Variants in CHSY3 observed in about 807,000 individuals in gnomAD.
CHSY3 encodes N-acetylgalactosaminyl-proteoglycan 3-beta-glucuronosyltransferase 3.
In CHSY3, 35 loss-of-function variants were observed where a neutral mutation model predicts 67.2. That is an observed-to-expected ratio of 0.52 (90% CI 0.40 to 0.69). The LOEUF (loss-of-function observed/expected upper bound fraction) is 0.69, where lower values mean the gene tolerates loss of function less well. Ranked by LOEUF, CHSY3 falls within the 30% of genes least tolerant of loss-of-function variation. The pLI is 0.00. For missense variants in CHSY3, 1,069 were observed against 1,138.5 expected, an observed-to-expected ratio of 0.94 and a Z score of 0.88; for synonymous variants, 474 against 434.7, an observed-to-expected ratio of 1.09 and a Z score of -1.12.
chr5:130,146,499 A>G (rs1193414257), intron 2 of CHSY3, among the ~76,000 whole-genome samples: 1 of 152,174 alleles, frequency 6.6e-6, no homozygotes, highest in African/African-American at 2.4e-5. Context: ...GGCAGAAATT[A>G]CAATTAGATA....
intron 2 of CHSY3, among the ~76,000 whole-genome samples, chr5:130,024,137 C>A (rs371741229): frequency 0.013 from 1,406 of 109,468 alleles, no homozygotes; most frequent in Admixed American, 0.017. Flanking sequence ...GATTGATGGT[C>A]AAAAAAAAAA....
intron 2 of CHSY3, among the ~76,000 whole-genome samples, chr5:129,960,192 T>C (rs539237315): frequency 6.6e-6 from 1 of 152,198 alleles, no homozygotes; most frequent in Non-Finnish European, 1.5e-5. Flanking sequence ...TCTCTCCCTG[T>C]TTGACGTTGT....
At chr5:129,908,419 T>C in intron 2 of CHSY3, 59 bp downstream of exon 2, 1 of 1,573,520 alleles carries the variant, frequency 6.4e-7, no homozygotes, top group East Asian at 2.3e-5. Flanking sequence ...CATTTTATAA[T>C]CTAGGGCAGC....
rs543288737 is a variant in CHSY3 at position 129,976,409 on chromosome 5, A to G, written c.1086+68049A>G. On this transcript the variant is annotated intron_variant, in intron 2 of 2. Transcript: ENST00000305031. Reference sequence around the variant, plus strand: ...TTAATAAATAGGGATTTGCCCCCCCATAACCAATCTCACCTTGGTTTCATA... The same window carrying G: ...TTAATAAATAGGGATTTGCCCCCCCGTAACCAATCTCACCTTGGTTTCATA... Among the ~76,000 whole-genome samples the G allele has an allele frequency of 3.9e-5, 6 of 152,288 alleles. No homozygotes were observed. The South Asian group carries it at 1.2e-3, about 32-fold the overall frequency.
At chr5:129,996,003 G>A (rs1041454842) in intron 2 of CHSY3, among the ~76,000 whole-genome samples, 1 of 151,854 alleles carries the variant, frequency 6.6e-6, no homozygotes, top group African/African-American at 2.4e-5. Flanking sequence ...AGAGCATAGG[G>A]CTTAGAACCA....
chr5:130,120,679 GTAA>G (rs1271311453), intron 2 of CHSY3, among the ~76,000 whole-genome samples: 1 of 152,010 alleles, frequency 6.6e-6, no homozygotes, highest in East Asian at 1.9e-4. Context: ...TGAAAAGTGT[GTAA>G]TAATAATGCC....
intron 2 of CHSY3, among the ~76,000 whole-genome samples, chr5:129,946,803 G>A (rs144381400): frequency 6.6e-6 from 1 of 152,168 alleles, no homozygotes; most frequent in East Asian, 1.9e-4. Flanking sequence ...GTATATACTT[G>A]ACACATTTTA....
rs377376901 is a variant in CHSY3, at chr5:129,981,089, C to T, written c.1086+72729C>T. Among the ~76,000 whole-genome samples, 27 of 148,934 alleles carry T rather than the reference C, an allele frequency of 1.8e-4. No homozygotes were observed. In the East Asian group the frequency reaches 3.4e-3, roughly 18 times the overall value. The stretch of plus-strand genomic sequence containing the variant: ...AAAAAAAATTAGCCGGACGTGGTGG[C>T]GGGCGCCTGTAGTCCCAGCTACTCT... On this transcript the variant is annotated intron_variant, in intron 2 of 2. Transcript: ENST00000305031.
At chr5:130,068,328 C>T (rs948708604) in intron 2 of CHSY3, among the ~76,000 whole-genome samples, 2 of 152,082 alleles carry the variant, frequency 1.3e-5, no homozygotes, top group Non-Finnish European at 2.9e-5. Flanking sequence ...ACCAAAGCAT[C>T]CCTCTGCTGC....
At chr5:130,178,110 T>C (rs1770109356) in intron 2 of CHSY3, among the ~76,000 whole-genome samples, 1 of 148,052 alleles carries the variant, frequency 6.8e-6, no homozygotes. Context: ...ATGGATATAA[T>C]AAAACATATA....
intron 2 of CHSY3, among the ~76,000 whole-genome samples, chr5:130,099,114 G>T (rs145359606): frequency 1.3e-5 from 2 of 152,250 alleles, no homozygotes; most frequent in Admixed American, 6.5e-5. Flanking sequence ...CTCCCCCAGT[G>T]ACTCATGCAG....
intron 2 of CHSY3, among the ~76,000 whole-genome samples, chr5:130,113,111 CGT>C (rs3065057): frequency 3.6e-5 from 1 of 27,822 alleles, no homozygotes; most frequent in Non-Finnish European, 5.8e-5. Flanking sequence ...TGATATAATA[CGT>C]GTGTGTGTGT....
chr5:130,060,292 A>G (rs181162461), intron 2 of CHSY3, among the ~76,000 whole-genome samples: 15 of 152,360 alleles, frequency 9.8e-5, no homozygotes, highest in Admixed American at 6.5e-4. Context: ...TTCATTGCAT[A>G]AACAGCCGTA....
intron 2 of CHSY3, among the ~76,000 whole-genome samples, chr5:130,118,501 G>GTGTA (rs1554083886): frequency 3.6e-5 from 5 of 140,808 alleles, no homozygotes; most frequent in African/African-American, 1.3e-4. Flanking sequence ...GTGTGTGTGT[G>GTGTA]TATATATATA....
intron 2 of CHSY3, among the ~76,000 whole-genome samples, chr5:130,070,362 G>C (rs1473027501): frequency 6.6e-6 from 1 of 152,058 alleles, no homozygotes; most frequent in African/African-American, 2.4e-5. Context: ...GATTGCTAGT[G>C]AATGCTGGGA....
chr5:130,004,043 T>A (rs1763806411), intron 2 of CHSY3, among the ~76,000 whole-genome samples: 1 of 152,236 alleles, frequency 6.6e-6, no homozygotes, highest in Admixed American at 6.5e-5. Flanking sequence ...CTGGAAAATG[T>A]TCTGAAACAT....
At chr5:130,019,703 C>G (rs1311283045) in intron 2 of CHSY3, among the ~76,000 whole-genome samples, 5 of 152,206 alleles carry the variant, frequency 3.3e-5, no homozygotes, top group African/African-American at 1.2e-4. Context: ...AGGTGCTTCA[C>G]TTGATGTTTG....
chr5:130,089,643 C>G (rs1766808856), intron 2 of CHSY3, among the ~76,000 whole-genome samples: 1 of 152,074 alleles, frequency 6.6e-6, no homozygotes, highest in African/African-American at 2.4e-5. Context: ...TAGGCATTGC[C>G]TGAGAAACAT....
chr5:130,072,532 G>A (rs760515108), intron 2 of CHSY3, among the ~76,000 whole-genome samples: 6 of 151,922 alleles, frequency 3.9e-5, no homozygotes, highest in Non-Finnish European at 7.4e-5. Context: ...CTGTTTTTAT[G>A]CCAGTACCAT....
Sources: gnomAD v4.1 joint callset for allele counts (sites outside exome capture counted in the v4.1 genomes callset) on GRCh38, gnomAD v4.1.1 for gene constraint, MANE v1.5 for transcripts, NCBI Gene and HGNC (gene_info 2026-07-23, HGNC 2026-07-21) for gene names.